The following SLC39A8 variants were observed in gnomAD, a reference collection of about 807,000 sequenced individuals.
SLC39A8 encodes the protein metal cation symporter ZIP8.
Under a neutral mutation model 40.4 loss-of-function variants are expected in SLC39A8, and 15 were observed. That is an observed-to-expected ratio of 0.37 (90% CI 0.25 to 0.57). The LOEUF is 0.57. Among genes scored for constraint, SLC39A8 ranks in the 20% least tolerant of loss-of-function variants. SLC39A8 has a pLI of 0.75. For synonymous variants in SLC39A8, 223 were observed against 221.6 expected (o/e 1.01, Z -0.06); for missense variants, 472 against 558.8 (o/e 0.84, Z 1.57).
intron 6 of SLC39A8, among the ~76,000 whole-genome samples, chr4:102,283,534 G>GCAAAAACT (rs1733002192): frequency 7.3e-6 from 1 of 136,582 alleles, no homozygotes; most frequent in Non-Finnish European, 1.7e-5. Flanking sequence ...GGTGTTCTGA[G>GCAAAAACT]GATTGCTAAC....
At chr4:102,276,064 C>A (rs981881381) in intron 6 of SLC39A8, among the ~76,000 whole-genome samples, 1 of 152,054 alleles carries the variant, frequency 6.6e-6, no homozygotes, top group South Asian at 2.1e-4. Flanking sequence ...CCTAATATCA[C>A]AATTAAAAGA....
intron 6 of SLC39A8, among the ~76,000 whole-genome samples, chr4:102,275,506 G>C (rs904852804): frequency 6.6e-6 from 1 of 152,124 alleles, no homozygotes; most frequent in Admixed American, 6.5e-5. Context: ...GACCTATAAA[G>C]AGACTTAGAC....
chr4:102,280,163 C>T (rs1732808478), intron 6 of SLC39A8, among the ~76,000 whole-genome samples: 1 of 152,218 alleles, frequency 6.6e-6, no homozygotes, highest in Non-Finnish European at 1.5e-5. Flanking sequence ...TAGCTTTCTA[C>T]ACAAAACTAG....
chr4:102,283,377 G>T (rs927944255), intron 6 of SLC39A8, among the ~76,000 whole-genome samples: 1 of 152,098 alleles, frequency 6.6e-6, no homozygotes, highest in Non-Finnish European at 1.5e-5. Context: ...TTTCAGATGA[G>T]GAATTTCTGA....
chr4:102,344,909 G>T lies in SLC39A8; in HGVS notation c.-247C>A, dbSNP rs1026167967. 6 of 1,290,330 alleles carry T rather than the reference G, an allele frequency of 4.6e-6. No individual in the cohort carries two copies. The African/African-American group carries it at 9.4e-5, about 20-fold the overall frequency. The allele number at this position is 1,290,330 out of a possible 1,614,324, so 79.9% of individuals were successfully genotyped here. The stretch of plus-strand genomic sequence containing the variant: ...GGCGGAGTGGGCCCCCCGGCCTCCT[G>T]GAGAGCCTGAGATAAAGAGGACAAA... On this transcript the variant is annotated 5_prime_UTR_variant, in exon 2 of 9. Transcript: ENST00000356736.
At chr4:102,338,969 T>G (rs967846637) in intron 2 of SLC39A8, among the ~76,000 whole-genome samples, 4 of 152,116 alleles carry the variant, frequency 2.6e-5, no homozygotes, top group African/African-American at 9.7e-5. Context: ...CCTAGAATAG[T>G]GGGTAAAGAT....
chr4:102,261,272 CT>C (rs777170222), downstream of SLC39A8, among the ~76,000 whole-genome samples: 2 of 152,194 alleles, frequency 1.3e-5, no homozygotes, highest in Non-Finnish European at 2.9e-5. Flanking sequence ...AAGTTTTCCC[CT>C]GGCACAGGCC....
Position 102,305,044 on chromosome 4 carries a change from T to C in SLC39A8, c.620A>G (p.Tyr207Cys). Reference sequence around the variant, plus strand: ...CATTCTTTCAAAAAAGAAAAGTAGGTAAAATCCACCAAACACAGCAACTGC... The same window carrying C: ...CATTCTTTCAAAAAAGAAAAGTAGGCAAAATCCACCAAACACAGCAACTGC... ...EKAVAVFGGF[Y>C]LLFFFERMLK... is the part of the protein sequence containing the mutation. Residue 207 changes from tyrosine to cysteine, a missense_variant, in exon 5 of 9, where the codon TAC becomes TGC. Tyr to Cys is a radical substitution (Grantham distance 194, BLOSUM62 -2). Around this residue, in one of 4 missense-constraint regions of SLC39A8, gnomAD observed 239 missense variants for 317.9 expected, o/e 0.75. Coordinates refer to ENST00000356736, the MANE Select transcript of SLC39A8 (RefSeq NM_001135146.2). 3.1e-6 allele frequency: 5 copies of C among 1,610,196 alleles called. No homozygotes were observed. The highest frequency in any genetic ancestry group is 4.2e-6 in the Non-Finnish European group (5 of 1,177,650).
chr4:102,274,002 C>T (rs533669539), intron 6 of SLC39A8, among the ~76,000 whole-genome samples: 33 of 152,258 alleles, frequency 2.2e-4, no homozygotes, highest in African/African-American at 7.5e-4. Context: ...AAAACCAGCA[C>T]AAAAAGGCTA....
chr4:102,341,023 C>T (rs895451031), intron 2 of SLC39A8, among the ~76,000 whole-genome samples: 1 of 152,120 alleles, frequency 6.6e-6, no homozygotes, highest in East Asian at 1.9e-4. Flanking sequence ...TAGGTTGACA[C>T]AGGAGGATCA....
intron 6 of SLC39A8, among the ~76,000 whole-genome samples, chr4:102,301,054 T>G (rs905664278): frequency 4.6e-5 from 7 of 152,056 alleles, no homozygotes; most frequent in African/African-American, 1.7e-4. Flanking sequence ...TCTCAAGGCC[T>G]GGTGCAGGGC....
At chr4:102,271,385 T>C (rs1732357741) in intron 6 of SLC39A8, among the ~76,000 whole-genome samples, 1 of 152,212 alleles carries the variant, frequency 6.6e-6, no homozygotes, top group Admixed American at 6.5e-5. Flanking sequence ...AATCTGATTG[T>C]CACTCAGTAT....
intron 2 of SLC39A8, among the ~76,000 whole-genome samples, chr4:102,319,053 C>T (rs951040556): frequency 2.0e-5 from 3 of 152,132 alleles, no homozygotes; most frequent in African/African-American, 7.2e-5. Context: ...GTGTGAAACA[C>T]CAAAGTAAGG....
chr4:102,341,237 A>G (rs1315773620), intron 2 of SLC39A8, among the ~76,000 whole-genome samples: 1 of 152,244 alleles, frequency 6.6e-6, no homozygotes, highest in Non-Finnish European at 1.5e-5. Context: ...AAAAATATAT[A>G]TCAGAAGAAG....
In SLC39A8 at chr4:102,267,926, G is replaced by T. The variant is rs1293286338; in HGVS notation, c.994C>A (p.Gln332Lys). The T allele has an allele frequency of 6.2e-7, 1 of 1,614,206 alleles. No homozygotes were observed. The highest frequency in any genetic ancestry group is 1.7e-5 in the Admixed American group (1 of 60,030). The change falls in exon 7 of 9, where the codon CAG becomes AAG. Residue 332 changes from glutamine to lysine, a missense_variant. This residue lies in a region of SLC39A8 where 239 missense variants were observed against 317.9 expected (regional missense o/e 0.75). Transcript: ENST00000356736. ...IGASCTLSLLQGLSTSIAILC... is the reference protein window; with the variant it reads ...IGASCTLSLLKGLSTSIAILC... ...ATTGCTATGGAAGTACTGAGTCCCT[G>T]AAGGAGAGACAAGGTGCAGGAAGCC... is the stretch of plus-strand genomic sequence containing the variant.
chr4:102,307,464 GAA>G lies in SLC39A8; in HGVS notation c.522_523del (p.Ser175LysfsTer14). On this transcript the variant is annotated frameshift_variant, in exon 4 of 9. Coordinates refer to ENST00000356736, the MANE Select transcript of SLC39A8 (RefSeq NM_001135146.2). LOFTEE classifies it high-confidence loss of function. ...TGGAATAAGTTGGAAAATTGCATTTGAAAAAAGAGTCCCAATAGCCAGCCCCA... is the reference window on the plus strand; with the variant it reads ...TGGAATAAGTTGGAAAATTGCATTTGAAAAGAGTCCCAATAGCCAGCCCCA... The G allele has an allele frequency of 1.2e-6, 2 of 1,613,102 alleles. No individual in the cohort carries two copies. Among genetic ancestry groups the G allele is most frequent in the Non-Finnish European group, 1.7e-6 (2 of 1,179,520 alleles).
At chr4:102,263,279 G>C (rs1039966831) in intron 8 of SLC39A8, 86 bp from the exon 9 acceptor site, 11 of 1,193,144 alleles carry the variant, frequency 9.2e-6, no homozygotes, top group Admixed American at 1.9e-5. Flanking sequence ...CTTGGAGACA[G>C]TGTGGGTTTG....
chr4:102,336,865 T>C lies in SLC39A8; in HGVS notation c.219+7579A>G, dbSNP rs773217598. On this transcript the variant is annotated intron_variant, in intron 2 of 8. Coordinates refer to ENST00000356736, the MANE Select transcript of SLC39A8 (RefSeq NM_001135146.2). ...AATAATTTGAGAATAAATTAATTAGTTTTGATTACAAACAGGAATCTACTG... is the reference window on the plus strand; with the variant it reads ...AATAATTTGAGAATAAATTAATTAGCTTTGATTACAAACAGGAATCTACTG... Among the ~76,000 whole-genome samples, 4 of 152,230 alleles carry C rather than the reference T, an allele frequency of 2.6e-5. No individual in the cohort carries two copies. In the South Asian group the frequency reaches 6.2e-4, roughly 24 times the overall value.
chr4:102,293,908 G>T (rs183226827), intron 6 of SLC39A8, among the ~76,000 whole-genome samples: 6 of 146,652 alleles, frequency 4.1e-5, no homozygotes, highest in Admixed American at 1.4e-4. Flanking sequence ...TCAGAGTTTT[G>T]TTTTTTTTTT....
Sources: allele counts gnomAD v4.1 joint callset (sites outside exome capture counted in the v4.1 genomes callset), GRCh38; gene constraint gnomAD v4.1.1; regional missense constraint gnomAD v4.1.1; transcripts MANE v1.5; gene names NCBI Gene and HGNC (gene_info 2026-07-23, HGNC 2026-07-21).